LCORL: variants seen among roughly 807,000 people sequenced by gnomAD.
LCORL encodes the protein ligand-dependent nuclear receptor corepressor-like protein.
Under a neutral mutation model 141.8 loss-of-function variants are expected in LCORL, and 41 were observed. The observed-to-expected ratio is 0.29, with a 90% confidence interval of 0.23 to 0.38. LCORL has a LOEUF of 0.38. Among genes scored for constraint, LCORL ranks in the 10% least tolerant of loss-of-function variants. The pLI, the probability that LCORL is intolerant of heterozygous loss-of-function variation, is 1.00. For synonymous variants in LCORL, 618 were observed against 694.1 expected (o/e 0.89, Z 1.72); for missense variants, 1,759 against 2,035.0 (o/e 0.86, Z 2.61).
chr4:17,915,429 A>G (rs1440985697), intron 4 of LCORL, among the ~76,000 whole-genome samples: 1 of 152,214 alleles, frequency 6.6e-6, no homozygotes, highest in Admixed American at 6.5e-5. Context: ...TTGAAACTCA[A>G]TTTTGAAAGT....
At chr4:17,981,645 C>T (rs970504543) in intron 1 of LCORL, among the ~76,000 whole-genome samples, 2 of 151,834 alleles carry the variant, frequency 1.3e-5, no homozygotes, top group South Asian at 2.1e-4. Context: ...GGCTGAAGTG[C>T]GAGGATCACC....
chr4:17,853,260 C>T (rs1338453454), intron 7 of LCORL, among the ~76,000 whole-genome samples: 1 of 151,908 alleles, frequency 6.6e-6, no homozygotes. Context: ...TTTTTCTATT[C>T]TTCAGAAGGC....
At chr4:17,996,689 GA>G (rs550066847) in intron 1 of LCORL, among the ~76,000 whole-genome samples, 1 of 150,276 alleles carries the variant, frequency 6.7e-6, no homozygotes, top group Non-Finnish European at 1.5e-5. Flanking sequence ...TTCATAAATT[GA>G]AAAAAAAAGT....
At chr4:17,935,745 C>T (rs577408814) in intron 4 of LCORL, among the ~76,000 whole-genome samples, 15 of 152,266 alleles carry the variant, frequency 9.9e-5, no homozygotes, top group African/African-American at 3.4e-4. Context: ...AACCGTGAGT[C>T]AAAATAAACC....
chr4:17,992,879 C>T (rs1265753776), intron 1 of LCORL, among the ~76,000 whole-genome samples: 1 of 152,126 alleles, frequency 6.6e-6, no homozygotes, highest in Non-Finnish European at 1.5e-5. Context: ...AGCACTGACT[C>T]CTGGGTTTAA....
At chr4:17,854,288 A>G (rs1315927664) in intron 7 of LCORL, among the ~76,000 whole-genome samples, 1 of 152,216 alleles carries the variant, frequency 6.6e-6, no homozygotes, top group Non-Finnish European at 1.5e-5. Context: ...AGCACTTGGC[A>G]CAGAGAATAG....
At chr4:17,843,592 A>G in exon 8 of LCORL, 1 of 592,688 alleles carries the variant, frequency 1.7e-6, no homozygotes, top group Non-Finnish European at 2.9e-6. Context: ...GAGCAGCATC[A>G]GTTATTATAG....
At chr4:17,880,303 C>T (rs1727392841) in intron 6 of LCORL, 1 of 367,478 alleles carries the variant, frequency 2.7e-6, no homozygotes, top group Non-Finnish European at 3.8e-6. Context: ...AAAGAAAAAC[C>T]TAGTAATGAG....
At chr4:17,885,290 G>A (rs1372314394) in intron 6 of LCORL, among the ~76,000 whole-genome samples, 1 of 151,822 alleles carries the variant, frequency 6.6e-6, no homozygotes, top group Non-Finnish European at 1.5e-5. Context: ...ACAAGTAGAT[G>A]TTATATTTGA....
chr4:17,924,579 T>TA (rs1734821751), intron 4 of LCORL, among the ~76,000 whole-genome samples: 1 of 152,204 alleles, frequency 6.6e-6, no homozygotes, highest in Admixed American at 6.5e-5. Flanking sequence ...AATAGACACT[T>TA]ACTCCAGATA....
chr4:17,874,230 C>T, exon 7 of LCORL: 5 of 1,233,844 alleles, frequency 4.1e-6, no homozygotes, highest in Non-Finnish European at 5.1e-6. Context: ...TGCTAAATTA[C>T]TTTTCACATT....
At chr4:17,934,154 CTG>C (rs1282571690) in intron 4 of LCORL, among the ~76,000 whole-genome samples, 5 of 152,040 alleles carry the variant, frequency 3.3e-5, no homozygotes, top group African/African-American at 9.7e-5. Context: ...GGATACATGA[CTG>C]TGTATTTGGC....
intron 5 of LCORL, among the ~76,000 whole-genome samples, chr4:17,886,926 C>A (rs1728351456): frequency 1.3e-5 from 2 of 152,108 alleles, no homozygotes; most frequent in South Asian, 4.1e-4. Context: ...GAATTTAAAA[C>A]CCAGCAAAGA....
At position 17,854,326 on chromosome 4, in the gene LCORL, A is replaced by C. The variant is rs571232491; in HGVS notation, c.5603-8425T>G. ...TGCACATAAAATGCCTGGCATTTTG[A>C]CTGGACACATAATAAGGACACAATA... On this transcript the variant is annotated intron_variant, in intron 7 of 7. Coordinates refer to ENST00000635767, the Ensembl canonical transcript of LCORL. 2.6e-5 allele frequency among the ~76,000 whole-genome samples: 4 copies of C among 152,226 alleles called. No individual in the cohort carries two copies. In the East Asian group the frequency reaches 7.7e-4, roughly 29 times the overall value.
intron 1 of LCORL, among the ~76,000 whole-genome samples, chr4:18,003,124 A>C (rs1268861651): frequency 1.3e-5 from 2 of 152,194 alleles, no homozygotes; most frequent in African/African-American, 4.8e-5. Context: ...CAAGAACAGA[A>C]TATATCCATA....
At chr4:17,966,478 G>A (rs1167929850) in intron 2 of LCORL, among the ~76,000 whole-genome samples, 1 of 151,990 alleles carries the variant, frequency 6.6e-6, no homozygotes, top group African/African-American at 2.4e-5. Flanking sequence ...AACCTCAACA[G>A]CCCTGTATCT....
Position 17,914,382 on chromosome 4 carries a change from A to G in LCORL, c.431-5037T>C, listed in dbSNP as rs554307930. On this transcript the variant is annotated intron_variant, in intron 4 of 7. Transcript: ENST00000635767. ...TGTCATAAAGGACAGACATTATTAG[A>G]CCCATATCATGTGACTAGGGCTATA... 1.2e-3 allele frequency among the ~76,000 whole-genome samples: 190 copies of G among 152,336 alleles called. 1 individual carries two copies. The highest frequency in any genetic ancestry group is 1.3e-3 in the Non-Finnish European group (89 of 68,032).
chr4:17,953,364 C>T (rs143394802), intron 4 of LCORL, among the ~76,000 whole-genome samples: 166 of 152,334 alleles, frequency 1.1e-3, no homozygotes, highest in Non-Finnish European at 1.8e-3. Context: ...CTCCCACCAG[C>T]AGTGTGTAAG....
At chr4:17,928,061 C>T (rs1343769064) in intron 4 of LCORL, among the ~76,000 whole-genome samples, 3 of 152,082 alleles carry the variant, frequency 2.0e-5, no homozygotes, top group Non-Finnish European at 2.9e-5. Flanking sequence ...TTATACACCA[C>T]GAACAAGAAG....
Sources: gnomAD v4.1 joint callset for allele counts (sites outside exome capture counted in the v4.1 genomes callset) on GRCh38, gnomAD v4.1.1 for gene constraint, MANE v1.5 for transcripts, NCBI Gene and HGNC (gene_info 2026-07-23, HGNC 2026-07-21) for gene names.